Variants in GLIS3 observed in about 807,000 individuals in gnomAD.
GLIS3 encodes GLIS family zinc finger 3.
In GLIS3, 53 loss-of-function variants were observed where a neutral mutation model predicts 78.6. The ratio of observed to expected loss-of-function variants is 0.67; its 90% CI spans 0.54 to 0.85. The LOEUF is 0.85. Ranked by LOEUF, GLIS3 falls within the 40% of genes least tolerant of loss-of-function variation. The probability of loss-of-function intolerance (pLI) is 0.00; values close to 1 mark genes in which losing one functional copy is unlikely to be tolerated. For synonymous variants in GLIS3, 684 were observed against 509.9 expected (o/e 1.34, Z -4.60); for missense variants, 1,703 against 1,231.1 (o/e 1.38, Z -5.74).
chr9:4,189,019 T>C (rs2131208317), intron 2 of GLIS3, among the ~76,000 whole-genome samples: 1 of 152,290 alleles, frequency 6.6e-6, no homozygotes, highest in South Asian at 2.1e-4. Context: ...TGATTTTAGT[T>C]ATTTCTTGCC....
chr9:4,197,056 G>A (rs1351799033), intron 2 of GLIS3, among the ~76,000 whole-genome samples: 1 of 151,930 alleles, frequency 6.6e-6, no homozygotes, highest in East Asian at 1.9e-4. Context: ...CCATGCCCAG[G>A]CAGATCTCCA....
chr9:3,967,039 A>C (rs936366391), intron 4 of GLIS3, among the ~76,000 whole-genome samples: 50 of 149,406 alleles, frequency 3.3e-4, no homozygotes, highest in African/African-American at 1.2e-3. Context: ...AAAAACAAAA[A>C]AACATTTTGA....
At chr9:3,865,634 A>G (rs941398026) in intron 8 of GLIS3, among the ~76,000 whole-genome samples, 1 of 152,190 alleles carries the variant, frequency 6.6e-6, no homozygotes, top group African/African-American at 2.4e-5. Context: ...GAGAAATGCT[A>G]TTTCACTTAA....
At chr9:4,418,204 A>T in the GLIS3 span, among the ~76,000 whole-genome samples, 1 of 152,238 alleles carries the variant, frequency 6.6e-6, no homozygotes, top group African/African-American at 2.4e-5. Context: ...TGAAGAAGCT[A>T]TTCTGAAAGT....
chr9:3,943,797 A>C (rs776309477), intron 4 of GLIS3, among the ~76,000 whole-genome samples: 6 of 152,226 alleles, frequency 3.9e-5, no homozygotes, highest in Non-Finnish European at 7.3e-5. Context: ...GTCATCTGGC[A>C]TTCTGAAGTG....
At chr9:4,192,410 G>A (rs896941001) in intron 2 of GLIS3, among the ~76,000 whole-genome samples, 6 of 152,204 alleles carry the variant, frequency 3.9e-5, no homozygotes, top group African/African-American at 1.4e-4. Context: ...GTTAAGCATA[G>A]TTTAGTTTAT....
chr9:3,951,876 ACACACACACG>A (rs1440103182), intron 4 of GLIS3, among the ~76,000 whole-genome samples: 9 of 149,558 alleles, frequency 6.0e-5, no homozygotes, highest in African/African-American at 2.3e-4. Context: ...ACACACACAC[ACACACACACG>A]CACGCACACA....
intron 2 of GLIS3, among the ~76,000 whole-genome samples, chr9:4,202,327 A>AT (rs1376311189): frequency 6.6e-6 from 1 of 151,060 alleles, no homozygotes; most frequent in Non-Finnish European, 1.5e-5. Context: ...ATTTTTTTGT[A>AT]TTTTTAGTAG....
rs12238038 is a variant in GLIS3 at position 3,854,480 on chromosome 9, C to T, written c.2473+1529G>A. ...CTGGTTTTTCAAGGTCTCTTCCTTCCTACAGCTGGCTGCTGTTTTAATATC... is the reference window on the plus strand; with the variant it reads ...CTGGTTTTTCAAGGTCTCTTCCTTCTTACAGCTGGCTGCTGTTTTAATATC... On this transcript the variant is annotated intron_variant, in intron 9 of 10. Coordinates refer to ENST00000381971, the MANE Select transcript of GLIS3 (RefSeq NM_001042413.2). 4.6e-3 allele frequency among the ~76,000 whole-genome samples: 692 copies of T among 151,990 alleles called. 15 individuals are homozygous for T. Among genetic ancestry groups the T allele is most frequent in the Admixed American group, 0.035 (537 of 15,260 alleles).
intron 2 of GLIS3, among the ~76,000 whole-genome samples, chr9:4,257,019 ATG>A (rs1259633502): frequency 6.6e-6 from 1 of 152,190 alleles, no homozygotes; most frequent in Non-Finnish European, 1.5e-5. Flanking sequence ...TAGTACATAT[ATG>A]TGTTAATATT....
At chr9:4,078,089 T>A (rs761903641) in intron 4 of GLIS3, among the ~76,000 whole-genome samples, 2 of 152,250 alleles carry the variant, frequency 1.3e-5, no homozygotes, top group South Asian at 4.2e-4. Context: ...TGGTCCCCCA[T>A]TGCTGGAGCT....
intron 4 of GLIS3, among the ~76,000 whole-genome samples, chr9:4,037,227 G>C (rs1470848873): frequency 6.6e-6 from 1 of 152,150 alleles, no homozygotes; most frequent in Admixed American, 6.5e-5. Context: ...TTTCTTGAGA[G>C]AGGCATCGTA....
At chr9:4,298,162 G>A (rs1293226160) in intron 1 of GLIS3, among the ~76,000 whole-genome samples, 1 of 152,060 alleles carries the variant, frequency 6.6e-6, no homozygotes. Context: ...AAGCCCGGGC[G>A]CCGGGGACCT....
rs530252001 is a variant in GLIS3, at chr9:4,013,156, T to C, written c.1711-75967A>G. On this transcript the variant is annotated intron_variant, in intron 4 of 10. Coordinates refer to ENST00000381971, the MANE Select transcript of GLIS3 (RefSeq NM_001042413.2). Reference sequence around the variant, plus strand: ...TGTTGGTGATGCCTGTAAGGAAATTTGGGTTCTCTGGTGGCCCGTGACATC... The same window carrying C: ...TGTTGGTGATGCCTGTAAGGAAATTCGGGTTCTCTGGTGGCCCGTGACATC... Among the ~76,000 whole-genome samples the C allele has an allele frequency of 7.6e-4, 115 of 152,036 alleles. 1 individual carries two copies. The South Asian group carries it at 8.1e-3, about 11-fold the overall frequency.
the GLIS3 span, among the ~76,000 whole-genome samples, chr9:4,422,028 T>G: frequency 6.6e-6 from 1 of 152,352 alleles, no homozygotes; most frequent in East Asian, 1.9e-4. Context: ...CTGTCACCAA[T>G]AGAAACCACA....
chr9:3,954,021 C>G (rs1816919348), intron 4 of GLIS3, among the ~76,000 whole-genome samples: 1 of 152,052 alleles, frequency 6.6e-6, no homozygotes. Context: ...AAATTAAATT[C>G]AGCCTTTGTT....
chr9:3,877,914 G>T (rs903262177), intron 8 of GLIS3, among the ~76,000 whole-genome samples: 15 of 152,036 alleles, frequency 9.9e-5, no homozygotes, highest in African/African-American at 3.6e-4. Context: ...TTAACAAAGA[G>T]CCTATAATGG....
At chr9:3,954,647 T>A (rs2130857418) in intron 4 of GLIS3, among the ~76,000 whole-genome samples, 1 of 152,382 alleles carries the variant, frequency 6.6e-6, no homozygotes, top group Non-Finnish European at 1.5e-5. Context: ...TGTTTTCTAT[T>A]CTTTTCTGCT....
intron 4 of GLIS3, among the ~76,000 whole-genome samples, chr9:3,983,835 C>A (rs1440862393): frequency 6.6e-6 from 1 of 152,126 alleles, no homozygotes; most frequent in Admixed American, 6.5e-5. Context: ...GGAAGCAGAG[C>A]ACAAAAGTTT....
Sources: gnomAD v4.1 joint callset for allele counts (sites outside exome capture counted in the v4.1 genomes callset) on GRCh38, gnomAD v4.1.1 for gene constraint, MANE v1.5 for transcripts, NCBI Gene and HGNC (gene_info 2026-07-23, HGNC 2026-07-21) for gene names.